The following DRD2 variants were observed in gnomAD, a reference collection of about 807,000 sequenced individuals.
DRD2 encodes dopamine receptor D2.
A neutral mutation model predicts 38.0 loss-of-function variants in DRD2; 8 were observed. The ratio of observed to expected loss-of-function variants is 0.21; its 90% confidence interval spans 0.12 to 0.38. The LOEUF is 0.38. Ranked by LOEUF, DRD2 falls within the 10% of genes least tolerant of loss-of-function variation. The pLI is 1.00. For missense variants in DRD2, 403 were observed against 607.7 expected, an observed-to-expected ratio of 0.66 and a Z score of 3.54; for synonymous variants, 230 against 238.6, an observed-to-expected ratio of 0.96 and a Z score of 0.33.
intron 1 of DRD2, among the ~76,000 whole-genome samples, chr11:113,459,254 G>A (rs760234238): frequency 6.6e-6 from 1 of 152,194 alleles, no homozygotes; most frequent in Non-Finnish European, 1.5e-5. Context: ...TAAATTGAAT[G>A]TACTGTGGGC....
At chr11:113,425,009 C>G (rs889968739) in intron 1 of DRD2, 2 of 340,800 alleles carry the variant, frequency 5.9e-6, no homozygotes, top group Non-Finnish European at 1.1e-5. Context: ...GTTAACCAGG[C>G]TTGCTACCTT....
rs1375788764 is a variant in DRD2, at chr11:113,417,137, A to T, written c.396-138T>A. On this transcript the variant is annotated intron_variant, in intron 3 of 7. Transcript: ENST00000362072. ...TCTATGAAGCTTGCCTGAGATGCTA[A>T]CTCAACCCTCCCTCCTGTCCCCAAA... 5.4e-6 allele frequency: 7 copies of T among 1,293,496 alleles called. No individual in the cohort carries two copies. In the African/African-American group the frequency reaches 1.0e-4, roughly 19 times the overall value. 80.1% of individuals were successfully genotyped at this position (1,293,496 alleles called of 1,614,324 possible).
chr11:113,433,507 G>A (rs1276736730), intron 1 of DRD2, among the ~76,000 whole-genome samples: 1 of 152,150 alleles, frequency 6.6e-6, no homozygotes, highest in African/African-American at 2.4e-5. Context: ...GAGACAGGGG[G>A]AGGCCACACA....
chr11:113,454,315 G>T (rs1011033536), intron 1 of DRD2, among the ~76,000 whole-genome samples: 4 of 151,954 alleles, frequency 2.6e-5, no homozygotes, highest in African/African-American at 9.7e-5. Context: ...TCACCCCACT[G>T]CACTCCAGCC....
At chr11:113,447,667 A>C (rs1225862285) in intron 1 of DRD2, 1 of 152,242 alleles carries the variant, frequency 6.6e-6, no homozygotes, top group African/African-American at 2.4e-5. Context: ...CAAGACAGAC[A>C]GACATGGGGC....
At chr11:113,453,559 G>A (rs372033933) in intron 1 of DRD2, among the ~76,000 whole-genome samples, 1 of 152,174 alleles carries the variant, frequency 6.6e-6, no homozygotes, top group Non-Finnish European at 1.5e-5. Context: ...TTTCAAGTTC[G>A]TAAAATAATT....
chr11:113,414,406 T>C lies in DRD2; in HGVS notation c.779A>G (p.Asn260Ser). Reference protein sequence around the residue: ...MKLCTVIMKSNGSFPVNRRRV... With the variant: ...MKLCTVIMKSSGSFPVNRRRV... The stretch of plus-strand genomic sequence containing the variant: ...CCGCCTGTTCACTGGGAAACTCCCA[T>C]TAGACTTCATGATAACGGTGCAGAG... Residue 260 changes from asparagine (N) to serine (S), a missense_variant, in exon 6 of 8, where the codon AAT (asparagine) becomes AGT (serine). Physicochemically the swap from Asn to Ser is conservative, Grantham distance 46. Transcript: ENST00000362072. 1 of 1,614,168 alleles carries C rather than the reference T, an allele frequency of 6.2e-7. No individual in the cohort carries two copies. Among genetic ancestry groups the C allele is most frequent in the Non-Finnish European group, 8.5e-7 (1 of 1,180,030 alleles).
At chr11:113,418,599 G>A (rs998386686) in intron 2 of DRD2, among the ~76,000 whole-genome samples, 1 of 152,174 alleles carries the variant, frequency 6.6e-6, no homozygotes, top group Non-Finnish European at 1.5e-5. Flanking sequence ...GTTAATTCCT[G>A]AAGACAGAAA....
intron 1 of DRD2, among the ~76,000 whole-genome samples, chr11:113,469,590 A>T (rs1951402237): frequency 6.6e-6 from 1 of 152,166 alleles, no homozygotes; most frequent in Admixed American, 6.6e-5. Flanking sequence ...ATGGAATAAT[A>T]AGGGTTACTC....
intron 1 of DRD2, among the ~76,000 whole-genome samples, chr11:113,438,179 C>T (rs1021210056): frequency 5.3e-5 from 8 of 151,876 alleles, no homozygotes; most frequent in African/African-American, 1.2e-4. Flanking sequence ...TGTGTCAATG[C>T]GTCCTATTTT....
At chr11:113,472,144 T>C (rs1951434116) in intron 1 of DRD2, among the ~76,000 whole-genome samples, 1 of 152,254 alleles carries the variant, frequency 6.6e-6, no homozygotes, top group Non-Finnish European at 1.5e-5. Flanking sequence ...TCCTGGGCGA[T>C]GTGCTCATAT....
intron 1 of DRD2, among the ~76,000 whole-genome samples, chr11:113,442,001 A>G (rs1432449681): frequency 6.6e-6 from 1 of 151,982 alleles, no homozygotes; most frequent in Non-Finnish European, 1.5e-5. Context: ...TCCCCCGTAT[A>G]TGGTGAATTT....
At chr11:113,449,133 T>C (rs1260453153) in intron 1 of DRD2, among the ~76,000 whole-genome samples, 2 of 152,122 alleles carry the variant, frequency 1.3e-5, no homozygotes, top group African/African-American at 4.8e-5. Flanking sequence ...GTCTGTGACT[T>C]TTGTACCCCT....
rs201422791 is a variant in DRD2, at chr11:113,412,764, C to T, written c.930G>A (p.Pro310=). ...GAGTGCTGTGGAGACCATGGTGGGACGGGTCGGGGAGAGTCAGCTGGTGGT... is the reference window on the plus strand; with the variant it reads ...GAGTGCTGTGGAGACCATGGTGGGATGGGTCGGGGAGAGTCAGCTGGTGGT... ...PSHHQLTLPD[P]SHHGLHSTPD... The change falls in exon 7 of 8, where the codon CCG becomes CCA. Residue 310 remains proline (P), a synonymous_variant. Transcript: ENST00000362072. The T allele has an allele frequency of 1.3e-4, 217 of 1,613,184 alleles. 2 individuals are homozygous for T. In the East Asian group the frequency reaches 2.9e-3, roughly 21 times the overall value.
chr11:113,435,978 CAG>C (rs1951032131), intron 1 of DRD2, among the ~76,000 whole-genome samples: 2 of 152,180 alleles, frequency 1.3e-5, no homozygotes, highest in African/African-American at 2.4e-5. Flanking sequence ...TTCATAAAAA[CAG>C]AGAGAAGGCC....
At chr11:113,457,875 A>C (rs1308345785) in intron 1 of DRD2, among the ~76,000 whole-genome samples, 1 of 152,224 alleles carries the variant, frequency 6.6e-6, no homozygotes, top group Non-Finnish European at 1.5e-5. Flanking sequence ...GCCAGGGCCA[A>C]TTATGTCCCA....
At chr11:113,459,510 C>T (rs373225555) in intron 1 of DRD2, among the ~76,000 whole-genome samples, 36 of 152,258 alleles carry the variant, frequency 2.4e-4, no homozygotes, top group African/African-American at 8.4e-4. Flanking sequence ...ACCTAAGACT[C>T]CTAATTCTAG....
Position 113,424,352 on chromosome 11 carries a change from AG to A in DRD2, c.285+14del. ...TGCTGGAGAAAGTGCTGGAGCAAGC[AG>A]GGGGCCCACCTACCTCCAGGTAGAC... On this transcript the variant is annotated intron_variant, in intron 2 of 7. Transcript: ENST00000362072. 1 of 1,605,586 alleles carries A rather than the reference AG, an allele frequency of 6.2e-7. No individual in the cohort carries two copies. The highest frequency in any genetic ancestry group is 8.5e-7 in the Non-Finnish European group (1 of 1,173,954).
chr11:113,470,235 T>C (rs1355193097), intron 1 of DRD2, among the ~76,000 whole-genome samples: 2 of 152,058 alleles, frequency 1.3e-5, no homozygotes, highest in East Asian at 3.9e-4. Flanking sequence ...ACCCAAACAA[T>C]AACAACAAGG....
Sources: allele counts gnomAD v4.1 joint callset (sites outside exome capture counted in the v4.1 genomes callset), GRCh38; gene constraint gnomAD v4.1.1; transcripts MANE v1.5; gene names NCBI Gene and HGNC (gene_info 2026-07-23, HGNC 2026-07-21).